ST3GAL3: variants seen among roughly 807,000 people sequenced by gnomAD.
ST3GAL3 encodes ST3 beta-galactoside alpha-2,3-sialyltransferase 3.
A neutral mutation model predicts 50.1 loss-of-function variants in ST3GAL3; 21 were observed. That is an observed-to-expected ratio of 0.42 (90% CI 0.30 to 0.60). ST3GAL3 has a LOEUF of 0.60. Among genes scored for constraint, ST3GAL3 ranks in the 20% least tolerant of loss-of-function variants. The pLI, the probability that ST3GAL3 is intolerant of heterozygous loss-of-function variation, is 0.19. For synonymous variants in ST3GAL3, 183 were observed against 190.0 expected (o/e 0.96, Z 0.30); for missense variants, 353 against 489.4 (o/e 0.72, Z 2.63).
intron 5 of ST3GAL3, among the ~76,000 whole-genome samples, chr1:43,849,082 T>G (rs1366993248): frequency 6.6e-6 from 1 of 152,204 alleles, no homozygotes; most frequent in African/African-American, 2.4e-5. Flanking sequence ...CAAATTGCCC[T>G]TCATAGCAGT....
At chr1:43,764,615 C>A (rs538652564) in intron 2 of ST3GAL3, among the ~76,000 whole-genome samples, 2 of 152,268 alleles carry the variant, frequency 1.3e-5, no homozygotes, top group Non-Finnish European at 2.9e-5. Context: ...AAAATCGGGC[C>A]GTGATTCAGT....
intron 11 of ST3GAL3, chr1:43,921,850 C>T (rs943428368): frequency 5.0e-6 from 2 of 398,254 alleles, no homozygotes; most frequent in African/African-American, 2.1e-5. Context: ...TGCAGCCTGG[C>T]TCCCCTCACA....
intron 3 of ST3GAL3, among the ~76,000 whole-genome samples, chr1:43,803,373 CA>C (rs139652535): frequency 0.39 from 52,024 of 134,368 alleles, 9,746 homozygotes; most frequent in East Asian, 0.61. Flanking sequence ...GATCCCACCT[CA>C]AAAAAAAAAA....
At chr1:43,844,856 C>T (rs550442645) in intron 5 of ST3GAL3, among the ~76,000 whole-genome samples, 150 of 151,358 alleles carry the variant, frequency 9.9e-4, no homozygotes, top group African/African-American at 3.4e-3. Flanking sequence ...GATATTAGAA[C>T]AAAAGATTCT....
At chr1:43,788,748 G>C (rs1176482850) in intron 2 of ST3GAL3, among the ~76,000 whole-genome samples, 5 of 152,160 alleles carry the variant, frequency 3.3e-5, no homozygotes. Context: ...AAAATGAATA[G>C]ACAGTCTTTG....
intron 5 of ST3GAL3, among the ~76,000 whole-genome samples, chr1:43,860,706 G>A (rs899584544): frequency 6.6e-6 from 1 of 152,228 alleles, no homozygotes; most frequent in South Asian, 2.1e-4. Flanking sequence ...TTCCTGTCTA[G>A]CCATGAGCCC....
At chr1:43,763,963 C>G (rs1263360178) in intron 2 of ST3GAL3, among the ~76,000 whole-genome samples, 1 of 152,214 alleles carries the variant, frequency 6.6e-6, no homozygotes, top group Non-Finnish European at 1.5e-5. Context: ...ATCCACCCCA[C>G]CTAACGTTGA....
chr1:43,897,854 T>C (rs1230294176), intron 6 of ST3GAL3, among the ~76,000 whole-genome samples: 2 of 152,122 alleles, frequency 1.3e-5, no homozygotes, highest in African/African-American at 4.8e-5. Flanking sequence ...GGTCTCTAGC[T>C]CTGAGCAGGT....
chr1:43,863,995 G>T (rs1204044451), intron 5 of ST3GAL3, among the ~76,000 whole-genome samples: 1 of 152,160 alleles, frequency 6.6e-6, no homozygotes, highest in Admixed American at 6.5e-5. Flanking sequence ...AACTTGAGTG[G>T]GGGCCGGGCG....
intron 1 of ST3GAL3, among the ~76,000 whole-genome samples, chr1:43,710,890 C>CCT (rs1372202126): frequency 6.6e-6 from 1 of 152,186 alleles, no homozygotes; most frequent in Non-Finnish European, 1.5e-5. Flanking sequence ...TGCCTTAAAT[C>CCT]CTGCTTCTAC....
intron 5 of ST3GAL3, among the ~76,000 whole-genome samples, chr1:43,863,796 G>A (rs778884600): frequency 3.3e-5 from 5 of 152,078 alleles, no homozygotes; most frequent in Non-Finnish European, 7.4e-5. Flanking sequence ...GTGGAGCAGC[G>A]ACCAGGCCTC....
At chr1:43,723,219 C>T (rs1173901411) in intron 1 of ST3GAL3, among the ~76,000 whole-genome samples, 2 of 151,664 alleles carry the variant, frequency 1.3e-5, no homozygotes, top group East Asian at 3.9e-4. Context: ...AGTGATTCTT[C>T]TGCCTCAGCC....
intron 2 of ST3GAL3, among the ~76,000 whole-genome samples, chr1:43,750,832 C>T (rs372768156): frequency 6.7e-4 from 102 of 151,786 alleles, no homozygotes; most frequent in African/African-American, 2.1e-3. Context: ...GCTGTGCTCA[C>T]GCCTCTGCAC....
chr1:43,731,811 C>CATG (rs1241490402), intron 1 of ST3GAL3, among the ~76,000 whole-genome samples: 4 of 152,022 alleles, frequency 2.6e-5, no homozygotes, highest in Admixed American at 2.6e-4. Flanking sequence ...TGATTACAGG[C>CATG]ATGAGCCACT....
rs553186402 is a variant in ST3GAL3 at position 43,855,174 on chromosome 1, G to A, written c.302+16863G>A. 5.8e-4 allele frequency among the ~76,000 whole-genome samples: 89 copies of A among 152,154 alleles called. 1 individual carries two copies. Among genetic ancestry groups the A allele is most frequent in the Non-Finnish European group, 7.1e-4 (48 of 68,000 alleles). On this transcript the variant is annotated intron_variant, in intron 5 of 11. Transcript: ENST00000347631. ...CCACTGGCAGACACAGATAACCCACGCACATAAAGTGTCACGCCATTTTTA... is the reference window on the plus strand; with the variant it reads ...CCACTGGCAGACACAGATAACCCACACACATAAAGTGTCACGCCATTTTTA...
intron 11 of ST3GAL3, among the ~76,000 whole-genome samples, chr1:43,924,729 C>G (rs901821255): frequency 1.3e-5 from 2 of 152,078 alleles, no homozygotes; most frequent in Non-Finnish European, 2.9e-5. Context: ...TCGGCTAAGG[C>G]GATTAGTCAG....
intron 5 of ST3GAL3, chr1:43,851,532 A>G (rs2067300922): frequency 6.3e-7 from 1 of 1,593,618 alleles, no homozygotes; most frequent in South Asian, 1.1e-5. Context: ...TTTGTTATTT[A>G]AGCAAGAGCC....
chr1:43,842,871 T>G (rs1024551257), intron 5 of ST3GAL3: 1 of 152,012 alleles, frequency 6.6e-6, no homozygotes, highest in Non-Finnish European at 1.5e-5. Flanking sequence ...AACCATTTGT[T>G]AAAGACTCTG....
intron 4 of ST3GAL3, among the ~76,000 whole-genome samples, chr1:43,834,906 TC>T (rs1301503623): frequency 1.3e-5 from 2 of 152,222 alleles, no homozygotes; most frequent in African/African-American, 4.8e-5. Flanking sequence ...TGATTCCAGA[TC>T]TGATGCTTTT....
Sources: gnomAD v4.1 joint callset for allele counts (sites outside exome capture counted in the v4.1 genomes callset) on GRCh38, gnomAD v4.1.1 for gene constraint, MANE v1.5 for transcripts, NCBI Gene and HGNC (gene_info 2026-07-23, HGNC 2026-07-21) for gene names.